Variants in RPH3A observed in about 807,000 individuals in gnomAD.
RPH3A encodes rabphilin 3A, also known as rabphilin-3A.
Under a neutral mutation model 102.2 loss-of-function variants are expected in RPH3A, and 48 were observed. That is an observed-to-expected ratio of 0.47 (90% CI 0.37 to 0.60). The LOEUF (loss-of-function observed/expected upper bound fraction) is 0.60, where lower values mean the gene tolerates loss of function less well. RPH3A is among the 20% of genes least tolerant of loss of function. The pLI is 0.00. For missense variants in RPH3A, 781 were observed against 910.1 expected, an observed-to-expected ratio of 0.86 and a Z score of 1.83; for synonymous variants, 310 against 324.3, an observed-to-expected ratio of 0.96 and a Z score of 0.47.
rs73419254 is a variant in RPH3A, at chr12:112,692,504, C to T, written c.-139-99639C>T. Among the ~76,000 whole-genome samples, 395 of 152,100 alleles carry T rather than the reference C, an allele frequency of 2.6e-3. 2 individuals are homozygous for T. The highest frequency in any genetic ancestry group is 8.8e-3 in the African/African-American group (366 of 41,484). On this transcript the variant is annotated intron_variant, in intron 1 of 21. Transcript: ENST00000543106. ...ATTCTGACCAGCCAAATTTCAAGTG[C>T]TCAACAGCCACTTGTGGCCAGTGGC... is the stretch of plus-strand genomic sequence containing the variant.
chr12:112,652,847 G>A (rs1197318971), intron 1 of RPH3A, among the ~76,000 whole-genome samples: 1 of 152,168 alleles, frequency 6.6e-6, no homozygotes, highest in African/African-American at 2.4e-5. Context: ...TAATGATGGA[G>A]ATGTGCTCTG....
intron 17 of RPH3A, among the ~76,000 whole-genome samples, chr12:112,889,388 G>T (rs1343180487): frequency 6.6e-6 from 1 of 152,214 alleles, no homozygotes; most frequent in Non-Finnish European, 1.5e-5. Flanking sequence ...GGAGGTGCAG[G>T]ACACCCAGAG....
rs570882557 is a variant in RPH3A at position 112,725,840 on chromosome 12, G to A, written c.-139-66303G>A. On this transcript the variant is annotated intron_variant, in intron 1 of 21. Transcript: ENST00000543106. ...AGACGGAGTCTTGCTCTGTTGCCCA[G>A]GCTGGAGTGCGGTGATGCGATCTCG... Among the ~76,000 whole-genome samples, 602 of 151,578 alleles carry A rather than the reference G, an allele frequency of 4.0e-3. 4 individuals carry two copies. Among genetic ancestry groups the A allele is most frequent in the Middle Eastern group, 0.01 (3 of 294 alleles).
chr12:112,751,251 G>A (rs2040784267), intron 1 of RPH3A, among the ~76,000 whole-genome samples: 1 of 152,180 alleles, frequency 6.6e-6, no homozygotes, highest in Admixed American at 6.5e-5. Flanking sequence ...ATGCGATGTT[G>A]GTGGGATAAT....
intron 1 of RPH3A, among the ~76,000 whole-genome samples, chr12:112,774,787 TA>T (rs1026748317): frequency 2.1e-5 from 3 of 143,390 alleles, no homozygotes; most frequent in African/African-American, 7.8e-5. Flanking sequence ...GGGGGTGAGG[TA>T]GGGGGCGGAG....
intron 1 of RPH3A, among the ~76,000 whole-genome samples, chr12:112,743,163 G>A (rs2040721606): frequency 6.6e-6 from 1 of 152,216 alleles, no homozygotes; most frequent in Non-Finnish European, 1.5e-5. Context: ...CATCTTGCAA[G>A]TTCTCTTTGG....
At chr12:112,629,137 A>G (rs12320369) in intron 1 of RPH3A, among the ~76,000 whole-genome samples, 3,370 of 152,204 alleles carry the variant, frequency 0.022, 126 homozygotes, top group African/African-American at 0.078. Context: ...ACAAACCAGA[A>G]AGGGACCTGG....
At chr12:112,797,501 G>C (rs750164033) in intron 2 of RPH3A, among the ~76,000 whole-genome samples, 1 of 152,104 alleles carries the variant, frequency 6.6e-6, no homozygotes, top group Non-Finnish European at 1.5e-5. Flanking sequence ...CCACAGGAGT[G>C]TGACCTGGAT....
intron 1 of RPH3A, among the ~76,000 whole-genome samples, chr12:112,764,378 T>C (rs2136068457): frequency 6.6e-6 from 1 of 152,292 alleles, no homozygotes; most frequent in African/African-American, 2.4e-5. Context: ...GGTGGTCTTG[T>C]TATGTAGCTA....
At chr12:112,670,356 T>C (rs1047018737) in intron 1 of RPH3A, among the ~76,000 whole-genome samples, 19 of 152,280 alleles carry the variant, frequency 1.2e-4, no homozygotes, top group African/African-American at 4.6e-4. Flanking sequence ...CTAATTTCTG[T>C]ATTTTTATTA....
chr12:112,801,935 C>G (rs1012842804), intron 2 of RPH3A, among the ~76,000 whole-genome samples: 2 of 152,170 alleles, frequency 1.3e-5, no homozygotes, highest in Non-Finnish European at 2.9e-5. Context: ...TTTTTAAGAT[C>G]CATCCACGTT....
intron 20 of RPH3A, 67 bp downstream of exon 20, chr12:112,894,726 C>A: frequency 7.5e-7 from 1 of 1,338,010 alleles, no homozygotes; most frequent in East Asian, 2.4e-5. Flanking sequence ...CACAAATAGC[C>A]ACATAGCCAT....
chr12:112,881,869 C>G (rs536812108), intron 15 of RPH3A, 23 bp downstream of exon 15: 1 of 1,597,050 alleles, frequency 6.3e-7, no homozygotes, highest in African/African-American at 1.3e-5. Context: ...CTGGGCTTCT[C>G]TGCAAACCGG....
At chr12:112,724,055 T>A (rs1291855835) in intron 1 of RPH3A, among the ~76,000 whole-genome samples, 3 of 144,700 alleles carry the variant, frequency 2.1e-5, no homozygotes, top group East Asian at 2.0e-4. Flanking sequence ...TTTTTTGATT[T>A]TTTTTTTTTT....
chr12:112,846,963 C>T (rs560597670), intron 4 of RPH3A, among the ~76,000 whole-genome samples: 38 of 152,276 alleles, frequency 2.5e-4, no homozygotes, highest in Middle Eastern at 3.4e-3. Context: ...GCTCTAATTT[C>T]TCCATGCCTC....
intron 1 of RPH3A, among the ~76,000 whole-genome samples, chr12:112,663,091 AGAGAGAGAGAGAGAGC>A (rs1451532079): frequency 1.9e-4 from 16 of 82,530 alleles, no homozygotes; most frequent in African/African-American, 1.1e-3. Flanking sequence ...TGTGTGTGAA[AGAGAGAGAGAGAGAGC>A]GAGAGAGAGA....
At chr12:112,894,345 T>C in intron 19 of RPH3A, 1 of 531,628 alleles carries the variant, frequency 1.9e-6, no homozygotes, top group Non-Finnish European at 3.3e-6. Context: ...TTCTGTAAAC[T>C]GAGTGGTTGT....
intron 1 of RPH3A, among the ~76,000 whole-genome samples, chr12:112,700,505 C>A (rs1033371000): frequency 6.6e-6 from 1 of 151,962 alleles, no homozygotes; most frequent in East Asian, 1.9e-4. Context: ...ATTTTTGCAA[C>A]CTTCACTTCC....
intron 5 of RPH3A, among the ~76,000 whole-genome samples, chr12:112,863,305 G>A (rs1283709910): frequency 6.6e-6 from 1 of 152,166 alleles, no homozygotes; most frequent in East Asian, 1.9e-4. Context: ...TATGAAGCAT[G>A]GGTTCTAGGG....
Sources: allele counts gnomAD v4.1 joint callset (sites outside exome capture counted in the v4.1 genomes callset), GRCh38; gene constraint gnomAD v4.1.1; transcripts MANE v1.5; gene names NCBI Gene and HGNC (gene_info 2026-07-23, HGNC 2026-07-21).